The following ATP10A variants were observed in gnomAD, a reference collection of about 807,000 sequenced individuals.
The protein encoded by ATP10A is phospholipid-transporting ATPase VA.
In ATP10A, 111 loss-of-function variants were observed where a neutral mutation model predicts 147.8. The ratio of observed to expected loss-of-function variants is 0.75; its 90% CI spans 0.64 to 0.88. The LOEUF is 0.88. Ranked by LOEUF, ATP10A falls within the 40% of genes least tolerant of loss-of-function variation. The probability of loss-of-function intolerance (pLI) is 0.00; values close to 1 mark genes in which losing one functional copy is unlikely to be tolerated. For synonymous variants in ATP10A, 875 were observed against 841.6 expected (o/e 1.04, Z -0.69); for missense variants, 1,927 against 1,959.0 (o/e 0.98, Z 0.31).
chr15:25,695,851 C>T (rs1367079314), intron 13 of ATP10A, among the ~76,000 whole-genome samples: 1 of 151,822 alleles, frequency 6.6e-6, no homozygotes, highest in East Asian at 1.9e-4. Context: ...CAAAGCTCTG[C>T]AAAAGGCTTT....
intron 2 of ATP10A, among the ~76,000 whole-genome samples, chr15:25,754,080 G>A (rs939496998): frequency 4.6e-5 from 7 of 152,148 alleles, no homozygotes; most frequent in African/African-American, 9.7e-5. Context: ...GATGACAGGT[G>A]TGAACCACTG....
intron 1 of ATP10A, among the ~76,000 whole-genome samples, chr15:25,851,493 C>A (rs1419979590): frequency 1.3e-5 from 2 of 152,040 alleles, no homozygotes; most frequent in Non-Finnish European, 2.9e-5. Flanking sequence ...AAGGTTATTA[C>A]CAAATCCAAT....
At chr15:25,844,363 G>C (rs1371226791) in intron 1 of ATP10A, among the ~76,000 whole-genome samples, 2 of 152,152 alleles carry the variant, frequency 1.3e-5, no homozygotes, top group African/African-American at 4.8e-5. Context: ...TATGAGGCAA[G>C]TAAAAGGGAA....
At chr15:25,766,790 C>A (rs994816876) in intron 2 of ATP10A, among the ~76,000 whole-genome samples, 1 of 151,866 alleles carries the variant, frequency 6.6e-6, no homozygotes, top group African/African-American at 2.4e-5. Context: ...TAGAACACAG[C>A]TAGGTGCCAC....
Position 25,683,231 on chromosome 15 carries a change from G to A in ATP10A, c.3492+55C>T. On this transcript the variant is annotated intron_variant, in intron 17 of 20. Transcript: ENST00000555815. ...TGGGGGACTGGCACTTTGGAAGAGT[G>A]AACGTGGAGGGCAGAGCTCAGGAGG... The A allele has an allele frequency of 2.6e-6, 4 of 1,543,404 alleles. No individual in the cohort carries two copies. The South Asian group carries it at 3.4e-5, about 13-fold the overall frequency.
chr15:25,745,132 C>A (rs1887778884), intron 2 of ATP10A, among the ~76,000 whole-genome samples: 1 of 152,072 alleles, frequency 6.6e-6, no homozygotes, highest in South Asian at 2.1e-4. Context: ...GAAAGACCAG[C>A]CTGGCCAACA....
intron 1 of ATP10A, among the ~76,000 whole-genome samples, chr15:25,844,776 G>C (rs529294483): frequency 6.6e-6 from 1 of 152,294 alleles, no homozygotes; most frequent in South Asian, 2.1e-4. Flanking sequence ...TGGACCCTGT[G>C]GCTTGCCGTC....
intron 1 of ATP10A, among the ~76,000 whole-genome samples, chr15:25,815,248 A>G (rs1382685848): frequency 1.3e-5 from 2 of 152,212 alleles, no homozygotes; most frequent in African/African-American, 4.8e-5. Flanking sequence ...AATTACTGAT[A>G]AAGGGAGATC....
chr15:25,828,694 T>C (rs919302286), intron 1 of ATP10A, among the ~76,000 whole-genome samples: 1 of 152,204 alleles, frequency 6.6e-6, no homozygotes, highest in African/African-American at 2.4e-5. Flanking sequence ...TATTGCTTTA[T>C]CCAGTCATAA....
At chr15:25,839,159 A>G (rs1047216087) in intron 1 of ATP10A, among the ~76,000 whole-genome samples, 3 of 152,230 alleles carry the variant, frequency 2.0e-5, no homozygotes, top group South Asian at 2.1e-4. Flanking sequence ...CCAGTGTCAC[A>G]GGTGAAGGGC....
At chr15:25,848,474 A>G (rs182695488) in intron 1 of ATP10A, among the ~76,000 whole-genome samples, 1 of 151,846 alleles carries the variant, frequency 6.6e-6, no homozygotes, top group African/African-American at 2.4e-5. Flanking sequence ...TCATTTCACA[A>G]TTCTGGAGGT....
rs1252726642 is a variant in ATP10A at position 25,679,576 on chromosome 15, C to T, written c.4265G>A (p.Arg1422Lys). The change falls in exon 21 of 21, where the codon AGG becomes AAG. Residue 1422 changes from arginine to lysine, a missense_variant. Transcript: ENST00000555815. ...ESKVRAASTGRVTPLSSLFSL... is the reference protein window; with the variant it reads ...ESKVRAASTGKVTPLSSLFSL... Reference sequence around the variant, plus strand: ...GAAGAGGGAAGACAGGGGGGTCACCCTGCCGGTGCTGGCAGCTCTCACCTT... The same window carrying T: ...GAAGAGGGAAGACAGGGGGGTCACCTTGCCGGTGCTGGCAGCTCTCACCTT... 5 of 1,610,712 alleles carry T rather than the reference C, an allele frequency of 3.1e-6. No homozygotes were observed. The South Asian group carries it at 5.5e-5, about 18-fold the overall frequency.
chr15:25,737,937 C>T (rs991785090), intron 2 of ATP10A, among the ~76,000 whole-genome samples: 29 of 152,120 alleles, frequency 1.9e-4, no homozygotes, highest in Admixed American at 1.8e-3. Context: ...CCCTTACTCC[C>T]GAATGTCCAG....
At chr15:25,816,916 A>G (rs576602207) in intron 1 of ATP10A, among the ~76,000 whole-genome samples, 1 of 152,174 alleles carries the variant, frequency 6.6e-6, no homozygotes, top group African/African-American at 2.4e-5. Context: ...ATTCTGTTGT[A>G]TCTTACACTC....
At chr15:25,810,968 T>A (rs138627551) in intron 1 of ATP10A, among the ~76,000 whole-genome samples, 42 of 152,222 alleles carry the variant, frequency 2.8e-4, no homozygotes, top group African/African-American at 9.9e-4. Flanking sequence ...AGCCTAGCTT[T>A]ACATATAATG....
At chr15:25,837,938 C>T (rs962985279) in intron 1 of ATP10A, among the ~76,000 whole-genome samples, 1 of 152,182 alleles carries the variant, frequency 6.6e-6, no homozygotes, top group Admixed American at 6.5e-5. Flanking sequence ...CTCACTGCCC[C>T]TTGGCAGTGT....
intron 10 of ATP10A, chr15:25,710,246 G>C (rs1229540160): frequency 6.6e-6 from 1 of 152,274 alleles, no homozygotes; most frequent in African/African-American, 2.4e-5. Context: ...CGGGTGAGGA[G>C]TGACACCACC....
chr15:25,854,973 C>T (rs1163844791), intron 1 of ATP10A, among the ~76,000 whole-genome samples: 3 of 151,146 alleles, frequency 2.0e-5, no homozygotes, highest in East Asian at 1.9e-4. Context: ...GCAGGAGAAT[C>T]GCTTGAACCT....
rs1157039394 is a variant in ATP10A at position 25,736,136 on chromosome 15, G to A, written c.660C>T (p.Ser220=). The A allele has an allele frequency of 1.1e-5, 17 of 1,612,514 alleles. 1 individual carries two copies. The highest frequency in any genetic ancestry group is 8.8e-5 in the South Asian group (8 of 91,000). ...QVVRGFSELV[S]EFNPLTFTSV... is the part of the protein sequence containing the mutation. ...TGGTGAACGTCAAAGGATTGAATTCGGAGACCTAAAATAACAGCACGTAGA... is the reference window on the plus strand; with the variant it reads ...TGGTGAACGTCAAAGGATTGAATTCAGAGACCTAAAATAACAGCACGTAGA... Residue 220 remains serine (S), a synonymous_variant, in exon 3 of 21, where the codon TCC becomes TCT. Coordinates refer to ENST00000555815, the MANE Select transcript of ATP10A (RefSeq NM_024490.4).
Sources: gnomAD v4.1 joint callset for allele counts (sites outside exome capture counted in the v4.1 genomes callset) on GRCh38, gnomAD v4.1.1 for gene constraint, MANE v1.5 for transcripts, NCBI Gene and HGNC (gene_info 2026-07-23, HGNC 2026-07-21) for gene names.